Variants in ABCA1 observed in about 807,000 individuals in gnomAD.
The protein encoded by ABCA1 is phospholipid-transporting ATPase ABCA1.
A neutral mutation model predicts 262.5 loss-of-function variants in ABCA1; 133 were observed. The observed-to-expected ratio is 0.51, with a 90% confidence interval of 0.44 to 0.59. The LOEUF is 0.59. Among genes scored for constraint, ABCA1 ranks in the 20% least tolerant of loss-of-function variants. The pLI, the probability that ABCA1 is intolerant of heterozygous loss-of-function variation, is 0.00. For synonymous variants in ABCA1, 1,022 were observed against 1,043.5 expected, an observed-to-expected ratio of 0.98 and a Z score of 0.40; for missense variants, 2,452 against 2,777.5, an observed-to-expected ratio of 0.88 and a Z score of 2.63.
At chr9:104,864,254 T>C (rs544996359) in intron 5 of ABCA1, among the ~76,000 whole-genome samples, 1 of 152,246 alleles carries the variant, frequency 6.6e-6, no homozygotes, top group African/African-American at 2.4e-5. Flanking sequence ...GATTTCCTTT[T>C]AGCTGGCCAG....
chr9:104,913,876 A>G (rs1841655410), intron 1 of ABCA1, among the ~76,000 whole-genome samples: 1 of 152,036 alleles, frequency 6.6e-6, no homozygotes, highest in Non-Finnish European at 1.5e-5. Context: ...GCTCACTGCA[A>G]GCTCCGCCTC....
intron 1 of ABCA1, among the ~76,000 whole-genome samples, chr9:104,908,924 T>C (rs941842383): frequency 1.3e-5 from 2 of 152,216 alleles, no homozygotes; most frequent in African/African-American, 2.4e-5. Context: ...CAGTGGTAGA[T>C]ACACATGTGT....
At chr9:104,814,382 A>G (rs1195106287) in intron 26 of ABCA1, 45 bp downstream of exon 26, 1 of 1,598,494 alleles carries the variant, frequency 6.3e-7, no homozygotes, top group East Asian at 2.2e-5. Context: ...GAAAGCCAGC[A>G]GAAGGCACTA....
At chr9:104,903,427 T>C (rs1840830091) in intron 2 of ABCA1, among the ~76,000 whole-genome samples, 187 bp downstream of exon 2, 1 of 152,204 alleles carries the variant, frequency 6.6e-6, no homozygotes, top group African/African-American at 2.4e-5. Context: ...GCTGCAAATC[T>C]GCCCTCTATG....
chr9:104,869,227 G>A (rs1290324263), intron 5 of ABCA1, among the ~76,000 whole-genome samples: 1 of 152,072 alleles, frequency 6.6e-6, no homozygotes. Flanking sequence ...AGAAGTGGGT[G>A]GAGGAGGCAA....
Position 104,889,157 on chromosome 9 carries a change from G to GATAA in ABCA1, c.101_104dup (p.Phe36TyrfsTer16), listed in dbSNP as rs769323757. ...GCCGAACAGAGATCAGGATCAGGAA[G>GATAA]ATAAATAGAGGCCAGGCCACTTCCA... is the stretch of plus-strand genomic sequence containing the variant. On this transcript the variant is annotated frameshift_variant, in exon 3 of 50. Coordinates refer to ENST00000374736, the MANE Select transcript of ABCA1 (RefSeq NM_005502.4). LOFTEE classifies it high-confidence loss of function. 1 of 1,614,208 alleles carries GATAA rather than the reference G, an allele frequency of 6.2e-7. No individual in the cohort carries two copies. Among genetic ancestry groups the GATAA allele is most frequent in the Non-Finnish European group, 8.5e-7 (1 of 1,180,032 alleles).
chr9:104,848,964 C>CTGTT, intron 7 of ABCA1, among the ~76,000 whole-genome samples: 1 of 152,090 alleles, frequency 6.6e-6, no homozygotes, highest in Non-Finnish European at 1.5e-5. Context: ...TTCTAAAAAC[C>CTGTT]CCAAACCCAA....
chr9:104,898,841 A>G (rs2777785), intron 2 of ABCA1, among the ~76,000 whole-genome samples: 71,200 of 151,918 alleles, frequency 0.47, 18,553 homozygotes, highest in African/African-American at 0.71. Context: ...TTAATGTGAC[A>G]ACCTGTCAAT....
At chr9:104,819,081 A>G (rs1192868386) in intron 22 of ABCA1, among the ~76,000 whole-genome samples, 198 bp from the exon 23 acceptor site, 1 of 152,198 alleles carries the variant, frequency 6.6e-6, no homozygotes, top group Non-Finnish European at 1.5e-5. Flanking sequence ...CAGAGGTAAG[A>G]ACAGTAGCAT....
chr9:104,836,545 C>G (rs1227408016), intron 11 of ABCA1, among the ~76,000 whole-genome samples: 1 of 152,210 alleles, frequency 6.6e-6, no homozygotes, highest in African/African-American at 2.4e-5. Flanking sequence ...AGCAGCTCAT[C>G]ATTCACACAG....
At chr9:104,912,976 G>T (rs990638723) in intron 1 of ABCA1, among the ~76,000 whole-genome samples, 9 of 152,142 alleles carry the variant, frequency 5.9e-5, no homozygotes, top group African/African-American at 1.7e-4. Context: ...AACTTGGCTG[G>T]ATAATGTTCC....
intron 7 of ABCA1, 32 bp downstream of exon 7, chr9:104,858,490 T>A (rs748964939): frequency 6.2e-7 from 1 of 1,609,874 alleles, no homozygotes; most frequent in East Asian, 2.2e-5. Flanking sequence ...GCATTAGTGC[T>A]TGAAGTTTCT....
In ABCA1 at chr9:104,822,521, T is replaced by C. The variant is rs28937314; in HGVS notation, c.2803A>G (p.Asn935Asp). Reference sequence around the variant, plus strand: ...ATGGTGGTCGTCTTCCCCGCTCCATTGTGGCCCAGGAAGGAGGTGATCTGG... The same window carrying C: ...ATGGTGGTCGTCTTCCCCGCTCCATCGTGGCCCAGGAAGGAGGTGATCTGG... Reference protein sequence around the residue: ...EGQITSFLGHNGAGKTTTMSI... With the variant: ...EGQITSFLGHDGAGKTTTMSI... Residue 935 changes from asparagine to aspartate, a missense_variant, in exon 19 of 50, where the codon AAT (asparagine) becomes GAT (aspartate). Physicochemically the swap from Asn to Asp is conservative, Grantham distance 23 (BLOSUM62 1). This residue lies in a region of ABCA1 where 665 missense variants were observed against 727.3 expected (regional missense o/e 0.91). Coordinates refer to ENST00000374736, the MANE Select transcript of ABCA1 (RefSeq NM_005502.4). 1 of 1,613,844 alleles carries C rather than the reference T, an allele frequency of 6.2e-7. No homozygotes were observed.
At chr9:104,910,889 T>C (rs1841455823) in intron 1 of ABCA1, among the ~76,000 whole-genome samples, 1 of 152,090 alleles carries the variant, frequency 6.6e-6, no homozygotes, top group East Asian at 1.9e-4. Context: ...GTATTTTTAA[T>C]AGAGACAGGG....
intron 5 of ABCA1, among the ~76,000 whole-genome samples, chr9:104,869,250 GAGA>G (rs1301846622): frequency 1.3e-5 from 2 of 151,398 alleles, no homozygotes; most frequent in Admixed American, 6.6e-5. Context: ...GAAAAAAAAG[GAGA>G]AGTAGGGAAA....
intron 3 of ABCA1, among the ~76,000 whole-genome samples, chr9:104,886,392 G>A (rs1431409520): frequency 1.3e-5 from 2 of 152,172 alleles, no homozygotes; most frequent in East Asian, 3.9e-4. Flanking sequence ...GATGTGATAA[G>A]ATCTGATCAC....
intron 5 of ABCA1, among the ~76,000 whole-genome samples, chr9:104,862,644 C>CGG (rs1491173099): frequency 1.3e-4 from 1 of 7,536 alleles, no homozygotes; most frequent in African/African-American, 3.8e-4. Flanking sequence ...CGGGCCGGGC[C>CGG]GGGCCGGGCC....
At chr9:104,787,284 TA>T (rs1829012438) in intron 46 of ABCA1, among the ~76,000 whole-genome samples, 1 of 152,142 alleles carries the variant, frequency 6.6e-6, no homozygotes, top group Non-Finnish European at 1.5e-5. Flanking sequence ...GACTGATAAG[TA>T]TATACAAAAC....
rs112335062 is a variant in ABCA1, at chr9:104,807,105, G to A, written c.4275-675C>T. Reference sequence around the variant, plus strand: ...GCATGGCTGGAGTAGGATAAGCTACGAAGAAGAGTAATGATAAAGGAGGAG... The same window carrying A: ...GCATGGCTGGAGTAGGATAAGCTACAAAGAAGAGTAATGATAAAGGAGGAG... On this transcript the variant is annotated intron_variant, in intron 30 of 49. Transcript: ENST00000374736. Among the ~76,000 whole-genome samples the A allele has an allele frequency of 7.6e-3, 1,162 of 152,294 alleles. 16 individuals carry two copies. The highest frequency in any genetic ancestry group is 0.027 in the African/African-American group (1,103 of 41,562).
Sources: allele counts gnomAD v4.1 joint callset (sites outside exome capture counted in the v4.1 genomes callset), GRCh38; gene constraint gnomAD v4.1.1; regional missense constraint gnomAD v4.1.1; transcripts MANE v1.5; gene names NCBI Gene and HGNC (gene_info 2026-07-23, HGNC 2026-07-21).